The following CHD2 variants were observed in gnomAD, a reference collection of about 807,000 sequenced individuals.
The protein encoded by CHD2 is ATP-dependent chromatin remodeler CHD2.
CHD2 carries 28 observed loss-of-function variants against 243.9 expected under a neutral mutation model. The observed-to-expected ratio is 0.11, with a 90% CI of 0.09 to 0.16. CHD2 has a LOEUF of 0.16. Ranked by LOEUF, CHD2 falls within the 10% of genes least tolerant of loss-of-function variation. The pLI is 1.00. For synonymous variants in CHD2, 775 were observed against 779.0 expected (o/e 0.99, Z 0.09); for missense variants, 1,386 against 2,209.8 (o/e 0.63, Z 7.47).
At chr15:92,916,691 C>A (rs1283156575) in intron 2 of CHD2, among the ~76,000 whole-genome samples, 1 of 152,144 alleles carries the variant, frequency 6.6e-6, no homozygotes, top group African/African-American at 2.4e-5. Flanking sequence ...GTAACTGGGA[C>A]TACAGGCGCG....
At chr15:92,935,038 C>CTTTTTTT (rs35542698) in intron 5 of CHD2, among the ~76,000 whole-genome samples, 1 of 138,694 alleles carries the variant, frequency 7.2e-6, no homozygotes. Flanking sequence ...TTCTTTCTTT[C>CTTTTTTT]TTTTTTTTTT....
intron 32 of CHD2, among the ~76,000 whole-genome samples, chr15:93,001,033 T>C (rs948896195): frequency 1.3e-5 from 2 of 152,092 alleles, no homozygotes; most frequent in African/African-American, 4.8e-5. Flanking sequence ...CACGCCAGGC[T>C]CATTTTTGTA....
chr15:92,949,107 T>G (rs766081467), intron 13 of CHD2, 31 bp downstream of exon 13: 1 of 1,601,564 alleles, frequency 6.2e-7, no homozygotes, highest in Non-Finnish European at 8.5e-7. Flanking sequence ...GCAATTTTCC[T>G]TACTGTTTCT....
At chr15:92,969,338 C>T (rs1247536422) in intron 17 of CHD2, among the ~76,000 whole-genome samples, 1 of 152,204 alleles carries the variant, frequency 6.6e-6, no homozygotes, top group Non-Finnish European at 1.5e-5. Flanking sequence ...TACTTCAGGG[C>T]CACCAGCGTT....
chr15:92,927,459 GCT>G, intron 4 of CHD2, 129 bp downstream of exon 4: 1 of 629,466 alleles, frequency 1.6e-6, no homozygotes, highest in Non-Finnish European at 2.8e-6. Flanking sequence ...TCTAATATGA[GCT>G]ATCTATGACC....
In CHD2 at chr15:92,993,219, T is replaced by C. The variant is rs538130897; in HGVS notation, c.3595+221T>C. ...AGAAGGTGTAGAGTGAAGAAAAAGA[T>C]GAAATGGTTTTTTTTTGTGTTGCTG... On this transcript the variant is annotated intron_variant, in intron 28 of 38. Coordinates refer to ENST00000394196, the MANE Select transcript of CHD2 (RefSeq NM_001271.4). The C allele has an allele frequency of 6.6e-6, 3 of 451,388 alleles. No individual in the cohort carries two copies. In the Admixed American group the frequency reaches 1.1e-4, roughly 17 times the overall value. The allele number at this position is 451,388 out of a possible 1,614,324, so 28.0% of individuals were successfully genotyped here.
At chr15:93,014,951 TA>T (rs775675530) in intron 37 of CHD2, 42 bp downstream of exon 37, 5 of 1,535,992 alleles carry the variant, frequency 3.3e-6, no homozygotes, top group East Asian at 4.5e-5. Flanking sequence ...TGCCAAAAGA[TA>T]AAAAATTCAC....
chr15:92,920,389 A>G (rs2052932486), intron 2 of CHD2, among the ~76,000 whole-genome samples: 1 of 152,272 alleles, frequency 6.6e-6, no homozygotes, highest in South Asian at 2.1e-4. Context: ...TACCGTTAAT[A>G]GGGGAATGTT....
At chr15:92,926,561 C>A (rs1187977535) in intron 3 of CHD2, among the ~76,000 whole-genome samples, 1 of 152,212 alleles carries the variant, frequency 6.6e-6, no homozygotes, top group African/African-American at 2.4e-5. Flanking sequence ...CTCAACTAAT[C>A]TGTCTTTTAA....
At chr15:93,015,320 C>T (rs1383500140) in intron 37 of CHD2, among the ~76,000 whole-genome samples, 6 of 152,320 alleles carry the variant, frequency 3.9e-5, no homozygotes, top group South Asian at 2.1e-4. Context: ...GCCATGTGAT[C>T]TGCCCACCTC....
At chr15:92,935,431 A>G (rs745467980) in intron 5 of CHD2, among the ~76,000 whole-genome samples, 46 of 152,206 alleles carry the variant, frequency 3.0e-4, no homozygotes, top group Non-Finnish European at 3.2e-4. Flanking sequence ...GCCTCAACAC[A>G]TCCATTCTCT....
At chr15:92,932,432 AC>A (rs1325738861) in intron 5 of CHD2, among the ~76,000 whole-genome samples, 6 of 9,890 alleles carry the variant, frequency 6.1e-4, no homozygotes, top group Non-Finnish European at 1.2e-3. Flanking sequence ...CCTAATGCTG[AC>A]CCTTCCCCCT....
At chr15:92,975,832 T>C (rs549832789) in intron 20 of CHD2, among the ~76,000 whole-genome samples, 1 of 112,166 alleles carries the variant, frequency 8.9e-6, no homozygotes, top group East Asian at 3.4e-4. Context: ...AAACATTTAC[T>C]TCTTGAGGGG....
chr15:92,974,837 G>A (rs2053886665), intron 19 of CHD2, 42 bp from the exon 20 acceptor site: 1 of 1,575,646 alleles, frequency 6.3e-7, no homozygotes, highest in African/African-American at 1.3e-5. Flanking sequence ...GAGTGTAGCT[G>A]ATCTTCCTAT....
At chr15:92,972,060 A>G in intron 18 of CHD2, 133 bp downstream of exon 18, 1 of 1,078,104 alleles carries the variant, frequency 9.3e-7, no homozygotes, top group Non-Finnish European at 1.3e-6. Context: ...ATGGGAGAGA[A>G]AAGGTAACTA....
At chr15:92,940,919 TAC>T (rs1396637662) in intron 7 of CHD2, among the ~76,000 whole-genome samples, 2 of 138,738 alleles carry the variant, frequency 1.4e-5, no homozygotes. Flanking sequence ...TATATAAATA[TAC>T]ATATAAATAT....
chr15:93,017,799 A>G (rs1186163442), intron 37 of CHD2, among the ~76,000 whole-genome samples: 3 of 152,244 alleles, frequency 2.0e-5, no homozygotes, highest in Admixed American at 2.0e-4. Context: ...GTTGAGGGAA[A>G]GAAAGCTAAT....
intron 2 of CHD2, among the ~76,000 whole-genome samples, chr15:92,910,528 G>T (rs1567119782): frequency 6.6e-6 from 1 of 152,030 alleles, no homozygotes; most frequent in Non-Finnish European, 1.5e-5. Flanking sequence ...GAGTGGTTGG[G>T]ATCACAGGCG....
At position 92,927,290 on chromosome 15, in the gene CHD2, G is replaced by A; in HGVS notation, c.341G>A (p.Arg114Gln). 6.2e-7 allele frequency: 1 copy of A among 1,613,788 alleles called. No individual in the cohort carries two copies. ...GTTTATGGGGTCAGGCGGTCAAACC[G>A]AAGCAGACAAGAACCATCGCGATTT... ...PDVYGVRRSN[R>Q]SRQEPSRFNI... Residue 114 changes from arginine to glutamine, a missense_variant, in exon 4 of 39, where the codon CGA becomes CAA. Arg to Gln is a conservative substitution (Grantham distance 43). Around this residue, in one of 19 missense-constraint regions of CHD2, gnomAD observed 16 missense variants for 76.0 expected, o/e 0.21. Transcript: ENST00000394196.
Sources: allele counts gnomAD v4.1 joint callset (sites outside exome capture counted in the v4.1 genomes callset), GRCh38; gene constraint gnomAD v4.1.1; regional missense constraint gnomAD v4.1.1; transcripts MANE v1.5; gene names NCBI Gene and HGNC (gene_info 2026-07-23, HGNC 2026-07-21).